Variants in DTNA observed in about 807,000 individuals in gnomAD.
The protein encoded by DTNA is dystrobrevin alpha.
A neutral mutation model predicts 100.7 loss-of-function variants in DTNA; 43 were observed. That is an observed-to-expected ratio of 0.43 (90% CI 0.33 to 0.55). The LOEUF (loss-of-function observed/expected upper bound fraction) is 0.55. Ranked by LOEUF, DTNA falls within the 20% of genes least tolerant of loss-of-function variation. The pLI, the probability that DTNA is intolerant of heterozygous loss-of-function variation, is 0.04. For synonymous variants in DTNA, 349 were observed against 347.9 expected, an observed-to-expected ratio of 1.00 and a Z score of -0.04; for missense variants, 798 against 953.9, an observed-to-expected ratio of 0.84 and a Z score of 2.15.
At chr18:34,775,461 G>A (rs566217287) in intron 3 of DTNA, among the ~76,000 whole-genome samples, 12 of 152,054 alleles carry the variant, frequency 7.9e-5, no homozygotes, top group East Asian at 1.9e-4. Context: ...ACTCCTGGGC[G>A]ACAGAGCGAG....
intron 1 of DTNA, among the ~76,000 whole-genome samples, chr18:34,532,459 A>G (rs1191421736): frequency 1.3e-5 from 2 of 152,078 alleles, no homozygotes; most frequent in African/African-American, 2.4e-5. Flanking sequence ...CATTCTATGG[A>G]GGGTTGGAAT....
At chr18:34,596,456 T>C (rs2050626694) in intron 1 of DTNA, among the ~76,000 whole-genome samples, 1 of 152,146 alleles carries the variant, frequency 6.6e-6, no homozygotes, top group African/African-American at 2.4e-5. Context: ...TGGCCTCAAG[T>C]GATCCACCTG....
intron 2 of DTNA, among the ~76,000 whole-genome samples, chr18:34,764,960 C>T (rs1457896155): frequency 1.3e-5 from 2 of 152,150 alleles, no homozygotes; most frequent in African/African-American, 2.4e-5. Context: ...TAGAGATTAA[C>T]TCATTCAAAG....
chr18:34,730,529 GAATATAGAC>G (rs2087851715), intron 1 of DTNA, among the ~76,000 whole-genome samples: 1 of 152,150 alleles, frequency 6.6e-6, no homozygotes, highest in Non-Finnish European at 1.5e-5. Context: ...AAAGTGGGAA[GAATATAGAC>G]CTTGGAGTCA....
Position 34,718,735 on chromosome 18 carries a change from G to A in DTNA, c.-2+8290G>A, listed in dbSNP as rs531576903. On this transcript the variant is annotated intron_variant, in intron 1 of 22. Coordinates refer to ENST00000444659, the MANE Select transcript of DTNA (RefSeq NM_001386795.1). ...AGAAAGGTATTACTGAAGAGTATGG[G>A]CATTAGTCTGACTGTAAGGAGGACT... Among the ~76,000 whole-genome samples the A allele has an allele frequency of 2.6e-5, 4 of 152,278 alleles. No homozygotes were observed. In the South Asian group the frequency reaches 8.3e-4, roughly 32 times the overall value.
chr18:34,780,152 A>G (rs575456313), intron 3 of DTNA, among the ~76,000 whole-genome samples: 2 of 152,278 alleles, frequency 1.3e-5, no homozygotes, highest in South Asian at 4.1e-4. Context: ...GCTGTTTTTA[A>G]CCATTGATGG....
intron 11 of DTNA, among the ~76,000 whole-genome samples, chr18:34,829,995 A>C (rs574764287): frequency 1.3e-5 from 2 of 152,322 alleles, no homozygotes; most frequent in South Asian, 4.1e-4. Context: ...ATGAAGTAAC[A>C]ATTTCAAAAA....
chr18:34,618,111 T>G (rs983010776), intron 1 of DTNA, among the ~76,000 whole-genome samples: 1 of 152,150 alleles, frequency 6.6e-6, no homozygotes, highest in Non-Finnish European at 1.5e-5. Context: ...AGATTGTTAA[T>G]TTTCCGGAAG....
In DTNA at chr18:34,890,125, C is replaced by T. The variant is rs571837973; in HGVS notation, c.*2391C>T. ...CTTTGTGTTTCTACATCAAAATGTT[C>T]GTCTAAGATTTGAACTGTTCTGCTG... On this transcript the variant is annotated 3_prime_UTR_variant, in exon 23 of 23. Coordinates refer to ENST00000444659, the MANE Select transcript of DTNA (RefSeq NM_001386795.1). 19 of 1,401,088 alleles carry T rather than the reference C, an allele frequency of 1.4e-5. No homozygotes were observed. The East Asian group carries it at 1.8e-4, about 13-fold the overall frequency. The allele number at this position is 1,401,088 out of a possible 1,614,324, so 86.8% of individuals were successfully genotyped here.
chr18:34,796,890 ACTTACCTTCGCAC>A (rs2094996054), intron 4 of DTNA, among the ~76,000 whole-genome samples: 1 of 152,118 alleles, frequency 6.6e-6, no homozygotes, highest in Non-Finnish European at 1.5e-5. Context: ...TGAGAGCCAG[ACTTACCTTCGCAC>A]AGCCATAGCT....
chr18:34,868,246 TGAAA>T (rs565112367), intron 17 of DTNA: 159 of 246,224 alleles, frequency 6.5e-4, no homozygotes, highest in Admixed American at 9.1e-4. Context: ...GCATAAAATA[TGAAA>T]GAAAGTCTTC....
upstream of DTNA, among the ~76,000 whole-genome samples, chr18:34,705,415 C>G (rs1324593889): frequency 2.0e-5 from 3 of 152,172 alleles, no homozygotes; most frequent in Non-Finnish European, 4.4e-5. Flanking sequence ...CAAACTGGAA[C>G]TGAGAGGGAA....
intron 1 of DTNA, among the ~76,000 whole-genome samples, chr18:34,674,574 AC>A (rs1485793824): frequency 1.3e-5 from 2 of 152,084 alleles, no homozygotes; most frequent in East Asian, 1.9e-4. Context: ...TTTTACTACA[AC>A]TTTCTAAGCC....
At chr18:34,694,726 G>C (rs1034685357) in intron 1 of DTNA, among the ~76,000 whole-genome samples, 2 of 151,902 alleles carry the variant, frequency 1.3e-5, no homozygotes, top group Admixed American at 1.3e-4. Flanking sequence ...TCTCCCTAAT[G>C]TATGTAAACA....
intron 2 of DTNA, among the ~76,000 whole-genome samples, chr18:34,757,680 T>C (rs1309247718): frequency 6.6e-6 from 1 of 152,190 alleles, no homozygotes; most frequent in Non-Finnish European, 1.5e-5. Context: ...GAAAGCTCGA[T>C]ATGATTTTTA....
chr18:34,673,200 C>G (rs1258328307), intron 1 of DTNA, among the ~76,000 whole-genome samples: 2 of 152,152 alleles, frequency 1.3e-5, no homozygotes, highest in Non-Finnish European at 2.9e-5. Context: ...GATCTCCCAC[C>G]TCAGCCTCCC....
At position 34,890,574 on chromosome 18, in the gene DTNA, G is replaced by T; in HGVS notation, c.*2840G>T. The T allele has an allele frequency of 7.5e-7, 1 of 1,338,054 alleles. No individual in the cohort carries two copies. The highest frequency in any genetic ancestry group is 1.5e-5 in the South Asian group (1 of 68,088). 82.9% of individuals were successfully genotyped at this position (1,338,054 alleles called of 1,614,324 possible). ...GCTGATAGCCTGTTAATAAGCACTG[G>T]TCTAACACAGCCAACCCTCCTCCAC... On this transcript the variant is annotated 3_prime_UTR_variant, in exon 23 of 23. Transcript: ENST00000444659.
intron 1 of DTNA, among the ~76,000 whole-genome samples, chr18:34,573,536 G>A (rs2047799902): frequency 6.6e-6 from 1 of 152,170 alleles, no homozygotes; most frequent in African/African-American, 2.4e-5. Context: ...ATGAGACTGG[G>A]TAAAGGACTG....
intron 1 of DTNA, among the ~76,000 whole-genome samples, chr18:34,532,561 C>G (rs980075038): frequency 6.6e-6 from 1 of 151,782 alleles, no homozygotes; most frequent in African/African-American, 2.4e-5. Context: ...CACTTAACAC[C>G]CGGAAGGAAG....
Sources: allele counts gnomAD v4.1 joint callset (sites outside exome capture counted in the v4.1 genomes callset), GRCh38; gene constraint gnomAD v4.1.1; transcripts MANE v1.5; gene names NCBI Gene and HGNC (gene_info 2026-07-23, HGNC 2026-07-21).